Variants in ST6GAL2 observed in about 807,000 individuals in gnomAD.
The protein encoded by ST6GAL2 is beta-galactoside alpha-2,6-sialyltransferase 2.
A neutral mutation model predicts 37.5 loss-of-function variants in ST6GAL2; 24 were observed. The observed-to-expected ratio is 0.64, with a 90% CI of 0.46 to 0.90. ST6GAL2 has a LOEUF of 0.90. Among genes scored for constraint, ST6GAL2 ranks in the 40% least tolerant of loss-of-function variants. The pLI is 0.00. For missense variants in ST6GAL2, 715 were observed against 712.7 expected (o/e 1.00, Z -0.04); for synonymous variants, 306 against 295.1 (o/e 1.04, Z -0.38).
chr2:106,845,202 G>C (rs1211139689), intron 1 of ST6GAL2, among the ~76,000 whole-genome samples: 1 of 152,170 alleles, frequency 6.6e-6, no homozygotes, highest in Non-Finnish European at 1.5e-5. Flanking sequence ...GCTGGAAGAA[G>C]AAGCAAGACC....
intron 2 of ST6GAL2, 128 bp from the exon 3 acceptor site, chr2:106,834,274 C>T (rs1444790473): frequency 5.0e-6 from 3 of 600,114 alleles, no homozygotes; most frequent in Middle Eastern, 3.4e-4. Flanking sequence ...TAAGATATGC[C>T]CACATGATTT....
rs138978394 is a variant in ST6GAL2, at chr2:106,806,224, AT to A, written c.*453del. ...CAATGTCTGTCATAAAACCTAGGAT[AT>A]TTAATGATGAATGCATGTATAACTG... is the stretch of plus-strand genomic sequence containing the variant. On this transcript the variant is annotated 3_prime_UTR_variant, in exon 6 of 6. Coordinates refer to ENST00000409382, the MANE Select transcript of ST6GAL2 (RefSeq NM_001142351.2). The A allele has an allele frequency of 0.091, 14,154 of 155,292 alleles. 893 individuals carry two copies. The highest frequency in any genetic ancestry group is 0.13 in the African/African-American group (5,371 of 41,588). The allele number at this position is 155,292 out of a possible 1,614,324, so 9.6% of individuals were successfully genotyped here. A position where few individuals can be genotyped will look rare whatever the true frequency, so the allele number is the denominator to read the frequency against.
chr2:106,884,938 T>TACACAC (rs1553430039), intron 1 of ST6GAL2, among the ~76,000 whole-genome samples: 4 of 123,738 alleles, frequency 3.2e-5, no homozygotes, highest in Non-Finnish European at 5.2e-5. Flanking sequence ...TATATATACA[T>TACACAC]ACACACACAC....
intron 5 of ST6GAL2, among the ~76,000 whole-genome samples, chr2:106,808,050 A>G (rs901850942): frequency 1.3e-5 from 2 of 152,256 alleles, no homozygotes; most frequent in African/African-American, 4.8e-5. Flanking sequence ...CCTTGTTATA[A>G]AAAACATAAA....
intron 1 of ST6GAL2, among the ~76,000 whole-genome samples, chr2:106,877,937 G>A (rs1678575509): frequency 1.3e-5 from 2 of 152,188 alleles, no homozygotes; most frequent in South Asian, 2.1e-4. Flanking sequence ...GTTGAGCAGG[G>A]ACCTGAAGGG....
At chr2:106,880,329 G>A (rs1328923534) in intron 1 of ST6GAL2, among the ~76,000 whole-genome samples, 1 of 152,122 alleles carries the variant, frequency 6.6e-6, no homozygotes, top group Non-Finnish European at 1.5e-5. Flanking sequence ...ACTTCTGGCT[G>A]ACCTAAAACA....
chr2:106,854,228 G>A (rs1363548877), intron 1 of ST6GAL2, among the ~76,000 whole-genome samples: 1 of 152,182 alleles, frequency 6.6e-6, no homozygotes, highest in Admixed American at 6.5e-5. Flanking sequence ...CTATTCTGAG[G>A]AGTAAAGGCC....
intron 1 of ST6GAL2, among the ~76,000 whole-genome samples, chr2:106,884,934 T>TATATATATATATATATATATACAC (rs1425070594): frequency 1.2e-4 from 14 of 120,454 alleles, no homozygotes; most frequent in African/African-American, 2.1e-4. Context: ...TATATATATA[T>TATATATATATATATATATATACAC]ACATACACAC....
chr2:106,857,928 C>G (rs769931808), intron 1 of ST6GAL2, among the ~76,000 whole-genome samples: 25 of 152,152 alleles, frequency 1.6e-4, no homozygotes, highest in Non-Finnish European at 3.4e-4. Flanking sequence ...GCTCACTTTT[C>G]AATGCCAGTA....
chr2:106,819,702 A>C (rs2104437660), intron 5 of ST6GAL2, among the ~76,000 whole-genome samples: 1 of 152,214 alleles, frequency 6.6e-6, no homozygotes, highest in East Asian at 1.9e-4. Context: ...AGTACATAGA[A>C]TATTATAATA....
At chr2:106,829,747 T>C (rs1463672365) in intron 5 of ST6GAL2, among the ~76,000 whole-genome samples, 2 of 152,044 alleles carry the variant, frequency 1.3e-5, no homozygotes, top group East Asian at 3.9e-4. Flanking sequence ...GCTCTTACTA[T>C]ACAGGTGGAA....
At chr2:106,849,225 C>T (rs1408576692) in intron 1 of ST6GAL2, among the ~76,000 whole-genome samples, 5 of 152,018 alleles carry the variant, frequency 3.3e-5, no homozygotes, top group African/African-American at 4.8e-5. Context: ...AATTCCTAAG[C>T]GCCTCAACTG....
chr2:106,864,279 G>A (rs1052266847), intron 1 of ST6GAL2, among the ~76,000 whole-genome samples: 7 of 152,202 alleles, frequency 4.6e-5, no homozygotes, highest in African/African-American at 1.7e-4. Flanking sequence ...CTATGCAAGG[G>A]TTGTTTTCTT....
chr2:106,843,893 A>G lies in ST6GAL2; in HGVS notation c.85T>C (p.Tyr29His). Residue 29 changes from tyrosine to histidine, a missense_variant, in exon 2 of 6, where the codon TAC becomes CAC. Coordinates refer to ENST00000409382, the MANE Select transcript of ST6GAL2 (RefSeq NM_001142351.2). Reference sequence around the variant, plus strand: ...TCAGCGGGGTTGCTGTCGGTGAAGTAGATGAAAATCAGCAAAAAGAGGAGC... The same window carrying G: ...TCAGCGGGGTTGCTGTCGGTGAAGTGGATGAAAATCAGCAAAAAGAGGAGC... ...WGLLFLLIFI[Y>H]FTDSNPAEPV... is the part of the protein sequence containing the mutation. 1 of 1,605,722 alleles carries G rather than the reference A, an allele frequency of 6.2e-7. No homozygotes were observed. Among genetic ancestry groups the G allele is most frequent in the Non-Finnish European group, 8.5e-7 (1 of 1,179,152 alleles).
intron 1 of ST6GAL2, 28 bp from the exon 2 acceptor site, chr2:106,844,062 C>T (rs1573262459): frequency 9.2e-7 from 1 of 1,087,556 alleles, no homozygotes; most frequent in Middle Eastern, 2.2e-4. Context: ...GGCAGTTAGC[C>T]AACATGGGGC....
intron 5 of ST6GAL2, among the ~76,000 whole-genome samples, chr2:106,824,050 T>C (rs1676110103): frequency 6.6e-6 from 1 of 152,180 alleles, no homozygotes; most frequent in African/African-American, 2.4e-5. Context: ...TGCCCAAATG[T>C]TAGTGAGAGA....
chr2:106,878,487 C>T (rs1284626478), intron 1 of ST6GAL2, among the ~76,000 whole-genome samples: 1 of 151,820 alleles, frequency 6.6e-6, no homozygotes, highest in South Asian at 2.1e-4. Context: ...CCAGGCTGAG[C>T]GTGGTGGCAT....
At chr2:106,829,928 C>T in intron 5 of ST6GAL2, 138 bp downstream of exon 5, 3 of 846,306 alleles carry the variant, frequency 3.5e-6, no homozygotes, top group South Asian at 2.0e-5. Context: ...AAAAAAAATC[C>T]AAAATCAGAA....
intron 1 of ST6GAL2, among the ~76,000 whole-genome samples, chr2:106,849,399 C>G (rs1273235344): frequency 2.6e-5 from 4 of 152,112 alleles, no homozygotes; most frequent in Non-Finnish European, 4.4e-5. Flanking sequence ...ACATCATAAG[C>G]TGACCAAACT....
Sources: allele counts gnomAD v4.1 joint callset (sites outside exome capture counted in the v4.1 genomes callset), GRCh38; gene constraint gnomAD v4.1.1; transcripts MANE v1.5; gene names NCBI Gene and HGNC (gene_info 2026-07-23, HGNC 2026-07-21).